Variants in USP34 observed in about 807,000 individuals in gnomAD.
The protein encoded by USP34 is ubiquitin carboxyl-terminal hydrolase 34.
A neutral mutation model predicts 460.3 loss-of-function variants in USP34; 70 were observed. The observed-to-expected ratio is 0.15, with a 90% CI of 0.13 to 0.19. The LOEUF is 0.19. USP34 is among the 10% of genes least tolerant of loss of function. The pLI, the probability that USP34 is intolerant of heterozygous loss-of-function variation, is 1.00. For missense variants in USP34, 3,985 were observed against 4,236.2 expected (o/e 0.94, Z 1.65); for synonymous variants, 1,647 against 1,405.3 (o/e 1.17, Z -3.85).
At chr2:61,428,524 G>T (rs1024617810) in intron 1 of USP34, among the ~76,000 whole-genome samples, 1 of 152,136 alleles carries the variant, frequency 6.6e-6, no homozygotes, top group African/African-American at 2.4e-5. Context: ...CCAACCCCAT[G>T]GAAGAACACA....
chr2:61,369,999 A>AC (rs1692569678), intron 10 of USP34, among the ~76,000 whole-genome samples: 1 of 151,330 alleles, frequency 6.6e-6, no homozygotes, highest in Non-Finnish European at 1.5e-5. Flanking sequence ...AAAAAAAAAA[A>AC]AAACAGTACA....
chr2:61,265,851 A>T, intron 42 of USP34, 133 bp downstream of exon 42: 2 of 906,884 alleles, frequency 2.2e-6, no homozygotes, highest in African/African-American at 1.7e-5. Context: ...TTTTAACTTT[A>T]ATAACACCCT....
chr2:61,445,024 G>A (rs1022138560), intron 1 of USP34, among the ~76,000 whole-genome samples: 6 of 151,674 alleles, frequency 4.0e-5, no homozygotes, highest in Admixed American at 3.9e-4. Flanking sequence ...GAAGCCAGGG[G>A]ACAATGGAAT....
intron 1 of USP34, among the ~76,000 whole-genome samples, chr2:61,470,225 G>A (rs1477510015): frequency 6.6e-6 from 1 of 152,184 alleles, no homozygotes. Context: ...AGAGGCCTCG[G>A]CAGCACGCTG....
chr2:61,363,682 A>C (rs947435161), intron 10 of USP34, among the ~76,000 whole-genome samples: 5 of 152,228 alleles, frequency 3.3e-5, no homozygotes, highest in African/African-American at 1.2e-4. Flanking sequence ...TGTTGACTGA[A>C]ACATGGTTAT....
In USP34 at chr2:61,339,403, G is replaced by C. The variant is rs1267698759; in HGVS notation, c.2692C>G (p.Gln898Glu). The C allele has an allele frequency of 4.4e-6, 7 of 1,608,468 alleles. No individual in the cohort carries two copies. Among genetic ancestry groups the C allele is most frequent in the Admixed American group, 1.7e-5 (1 of 59,344 alleles). The part of the protein sequence containing the change: ...CSLVCWFTDR[Q>E]IRMRFIEGCL... ...CCTTCAATGAATCTCATTCGAATTT[G>C]TCTATCTGTAAACCAACATACTAAC... Residue 898 changes from glutamine (Q) to glutamate (E), a missense_variant, in exon 18 of 80, where the codon CAA becomes GAA. Gln to Glu is a conservative substitution (Grantham distance 29, BLOSUM62 2). Transcript: ENST00000398571.
At chr2:61,381,072 A>C (rs1692956600) in intron 6 of USP34, among the ~76,000 whole-genome samples, 1 of 152,114 alleles carries the variant, frequency 6.6e-6, no homozygotes, top group Admixed American at 6.5e-5. Context: ...AACACTGCGG[A>C]AGGCTGCAGG....
At chr2:61,348,577 G>C in intron 14 of USP34, 97 bp from the exon 15 acceptor site, 1 of 1,477,558 alleles carries the variant, frequency 6.8e-7, no homozygotes, top group South Asian at 1.4e-5. Flanking sequence ...AAGGCTGCCA[G>C]TCTTGTTATA....
At chr2:61,419,276 T>A (rs912103627) in intron 2 of USP34, among the ~76,000 whole-genome samples, 5 of 151,686 alleles carry the variant, frequency 3.3e-5, no homozygotes, top group Non-Finnish European at 7.4e-5. Flanking sequence ...CACCTCAGCC[T>A]CTCAAAAGTG....
intron 2 of USP34, among the ~76,000 whole-genome samples, chr2:61,416,175 G>A (rs545055342): frequency 2.1e-4 from 32 of 152,288 alleles, no homozygotes; most frequent in South Asian, 1.0e-3. Context: ...AATATCAACA[G>A]TCCATTGGTC....
At chr2:61,255,602 T>C (rs1183247004) in intron 48 of USP34, among the ~76,000 whole-genome samples, 1 of 152,234 alleles carries the variant, frequency 6.6e-6, no homozygotes, top group African/African-American at 2.4e-5. Context: ...ACAACAGTGC[T>C]TGCTAAATAA....
Position 61,236,090 on chromosome 2 carries a change from A to G in USP34, c.6919-17T>C. ...AGTGCTTAACTGTAAGAAAAGATAA[A>G]GCAAAAAAGCTTCAATCATTTTAAA... is the stretch of plus-strand genomic sequence containing the variant. On this transcript the variant is annotated splice_polypyrimidine_tract_variant and intron_variant, in intron 55 of 79. Coordinates refer to ENST00000398571, the MANE Select transcript of USP34 (RefSeq NM_014709.4). 1 of 1,597,450 alleles carries G rather than the reference A, an allele frequency of 6.3e-7. No individual in the cohort carries two copies. Among genetic ancestry groups the G allele is most frequent in the Non-Finnish European group, 8.5e-7 (1 of 1,175,784 alleles).
chr2:61,385,098 T>C (rs1693095393), intron 5 of USP34, among the ~76,000 whole-genome samples: 2 of 152,132 alleles, frequency 1.3e-5, no homozygotes, highest in Admixed American at 6.6e-5. Flanking sequence ...TTATTATTTG[T>C]TCCTGAGAAC....
At chr2:61,310,405 C>G (rs928048040) in intron 27 of USP34, among the ~76,000 whole-genome samples, 1 of 151,888 alleles carries the variant, frequency 6.6e-6, no homozygotes, top group Non-Finnish European at 1.5e-5. Flanking sequence ...CTATGCAGAT[C>G]TCAAAAAGAA....
chr2:61,405,005 A>T (rs1473232052), intron 3 of USP34, among the ~76,000 whole-genome samples: 2 of 152,098 alleles, frequency 1.3e-5, no homozygotes, highest in African/African-American at 4.8e-5. Context: ...AGGTGGGCAG[A>T]TCATGAGGTC....
At chr2:61,408,654 G>C (rs1336509763) in intron 2 of USP34, among the ~76,000 whole-genome samples, 18 of 151,912 alleles carry the variant, frequency 1.2e-4, no homozygotes, top group Admixed American at 1.2e-3. Flanking sequence ...ACAGCACTTT[G>C]GGAGGCTGAG....
intron 21 of USP34, among the ~76,000 whole-genome samples, chr2:61,320,804 G>C (rs910230638): frequency 9.8e-5 from 15 of 152,324 alleles, no homozygotes; most frequent in African/African-American, 3.6e-4. Context: ...AAGGTCAGGA[G>C]TTCAGAACCA....
At chr2:61,418,555 G>T (rs1373843219) in intron 2 of USP34, among the ~76,000 whole-genome samples, 1 of 152,132 alleles carries the variant, frequency 6.6e-6, no homozygotes, top group Non-Finnish European at 1.5e-5. Context: ...TTCACTTATG[G>T]ACTCACTTGG....
At chr2:61,319,007 A>G (rs1690833351) in intron 22 of USP34, among the ~76,000 whole-genome samples, 166 bp downstream of exon 22, 1 of 152,192 alleles carries the variant, frequency 6.6e-6, no homozygotes, top group Admixed American at 6.5e-5. Context: ...AAACAACAAA[A>G]TTAGAGCACA....
Sources: allele counts gnomAD v4.1 joint callset (sites outside exome capture counted in the v4.1 genomes callset), GRCh38; gene constraint gnomAD v4.1.1; transcripts MANE v1.5; gene names NCBI Gene and HGNC (gene_info 2026-07-23, HGNC 2026-07-21).